ATOSA: variants seen among roughly 807,000 people sequenced by gnomAD.
ATOSA encodes atos homolog A, also known as atos homolog protein A.
the ATOSA span, chr15:52,629,643 A>G: frequency 2.4e-6 from 1 of 414,876 alleles, no homozygotes; most frequent in Non-Finnish European, 4.9e-6. Context: ...CTCTACTAAA[A>G]ATACAAAAAT....
At chr15:52,651,227 T>C in the ATOSA span, among the ~76,000 whole-genome samples, 1 of 152,212 alleles carries the variant, frequency 6.6e-6, no homozygotes. Context: ...TCTATATGGA[T>C]GTTTAATAGA....
At chr15:52,584,708 T>A in the ATOSA span, 3 of 1,574,042 alleles carry the variant, frequency 1.9e-6, no homozygotes, top group Non-Finnish European at 2.6e-6. Context: ...TTAGAGTTGT[T>A]CTAAAGTAAC....
chr15:52,638,807 T>C, the ATOSA span, among the ~76,000 whole-genome samples: 1 of 151,874 alleles, frequency 6.6e-6, no homozygotes, highest in African/African-American at 2.4e-5. Flanking sequence ...AGGGTTTTGC[T>C]GAGAACATAA....
chr15:52,669,295 C>A, the ATOSA span, among the ~76,000 whole-genome samples: 1 of 152,118 alleles, frequency 6.6e-6, no homozygotes, highest in Admixed American at 6.5e-5. Context: ...TTAGTTCTTT[C>A]ATAAAATGAA....
At chr15:52,599,637 G>A in the ATOSA span, among the ~76,000 whole-genome samples, 1 of 152,118 alleles carries the variant, frequency 6.6e-6, no homozygotes, top group African/African-American at 2.4e-5. Context: ...TAGAAATATT[G>A]TGAGTAAACA....
At chr15:52,705,447 A>G in the ATOSA span, among the ~76,000 whole-genome samples, 9 of 152,182 alleles carry the variant, frequency 5.9e-5, no homozygotes, top group African/African-American at 1.9e-4. Flanking sequence ...TGGCACATGT[A>G]TACCTATGTA....
At chr15:52,587,243 G>T in the ATOSA span, 1 of 1,602,608 alleles carries the variant, frequency 6.2e-7, no homozygotes, top group South Asian at 1.1e-5. Context: ...AAGACAAATT[G>T]AGTACAAACT....
At chr15:52,676,803 T>C in the ATOSA span, among the ~76,000 whole-genome samples, 5 of 152,194 alleles carry the variant, frequency 3.3e-5, no homozygotes, top group Non-Finnish European at 7.4e-5. Context: ...TCAAAATAAA[T>C]AGTGACTTTG....
the ATOSA span, among the ~76,000 whole-genome samples, chr15:52,605,609 T>C: frequency 6.6e-6 from 1 of 152,156 alleles, no homozygotes; most frequent in Admixed American, 6.5e-5. Context: ...ACTGTGTATC[T>C]ACATCTTATG....
chr15:52,677,105 A>C, the ATOSA span, among the ~76,000 whole-genome samples: 1 of 152,348 alleles, frequency 6.6e-6, no homozygotes, highest in African/African-American at 2.4e-5. Context: ...CTTTGAAAAA[A>C]TATATGGAAA....
chr15:52,594,079 T>C, the ATOSA span, among the ~76,000 whole-genome samples: 3 of 152,210 alleles, frequency 2.0e-5, no homozygotes, highest in Non-Finnish European at 4.4e-5. Context: ...AATTTAAAAA[T>C]ATGCTCTATC....
chr15:52,635,922 G>A, the ATOSA span, among the ~76,000 whole-genome samples: 1,762 of 149,676 alleles, frequency 0.012, 32 homozygotes, highest in African/African-American at 0.042. Context: ...CTTGAACCCC[G>A]GGGGCAGGGG....
chr15:52,640,486 G>A, the ATOSA span, among the ~76,000 whole-genome samples: 2 of 143,748 alleles, frequency 1.4e-5, no homozygotes, highest in Admixed American at 7.3e-5. Flanking sequence ...CATGACAATC[G>A]GTTGAACTTG....
At chr15:52,653,146 G>A in the ATOSA span, among the ~76,000 whole-genome samples, 1 of 152,174 alleles carries the variant, frequency 6.6e-6, no homozygotes, top group African/African-American at 2.4e-5. Flanking sequence ...GGCTGAGGCC[G>A]CAGCAGAAGC....
the ATOSA span, among the ~76,000 whole-genome samples, chr15:52,672,172 C>CAAAAAAAAAAAAAAAAAAAAAAAAAA: frequency 3.2e-5 from 2 of 62,588 alleles, no homozygotes; most frequent in African/African-American, 1.4e-4. Flanking sequence ...CCCCATTTCT[C>CAAAAAAAAAAAAAAAAAAAAAAAAAA]AAAAAAAAAA....
At chr15:52,587,042 C>G in the ATOSA span, 1 of 1,574,794 alleles carries the variant, frequency 6.4e-7, no homozygotes, top group South Asian at 1.2e-5. Context: ...AGCTGCAGCC[C>G]CACTGTTACT....
the ATOSA span, among the ~76,000 whole-genome samples, chr15:52,590,105 A>C: frequency 2.6e-5 from 4 of 152,154 alleles, no homozygotes; most frequent in Non-Finnish European, 5.9e-5. Flanking sequence ...TGGGATTTTA[A>C]AATGGAATAG....
chr15:52,591,739 T>G, the ATOSA span, among the ~76,000 whole-genome samples: 4 of 152,266 alleles, frequency 2.6e-5, no homozygotes, highest in Admixed American at 6.5e-5. Flanking sequence ...ACTTTCCATT[T>G]TATTAAGTGT....
the ATOSA span, among the ~76,000 whole-genome samples, chr15:52,644,611 A>G: frequency 6.6e-6 from 1 of 152,354 alleles, no homozygotes; most frequent in South Asian, 2.1e-4. Flanking sequence ...ATTTCTGGTT[A>G]AAGTGATGAA....
Sources: gnomAD v4.1 joint callset for allele counts (sites outside exome capture counted in the v4.1 genomes callset) on GRCh38, gnomAD v4.1.1 for gene constraint, MANE v1.5 for transcripts, NCBI Gene and HGNC (gene_info 2026-07-23, HGNC 2026-07-21) for gene names.